Variants in CEBPZ observed in about 807,000 individuals in gnomAD.
The protein encoded by CEBPZ is CCAAT/enhancer-binding protein zeta.
Under a neutral mutation model 104.5 loss-of-function variants are expected in CEBPZ, and 78 were observed. That is an observed-to-expected ratio of 0.75 (90% confidence interval 0.62 to 0.90). The LOEUF (loss-of-function observed/expected upper bound fraction) is 0.90, where lower values mean the gene tolerates loss of function less well. Ranked by LOEUF, CEBPZ falls within the 40% of genes least tolerant of loss-of-function variation. CEBPZ has a pLI of 0.00. For missense variants in CEBPZ, 1,439 were observed against 1,233.5 expected, an observed-to-expected ratio of 1.17 and a Z score of -2.50; for synonymous variants, 470 against 427.0, an observed-to-expected ratio of 1.10 and a Z score of -1.24.
At position 37,227,873 on chromosome 2, in the gene CEBPZ, A is replaced by C. The variant is rs769243802; in HGVS notation, c.1320T>G (p.Tyr440Ter). Residue 440 changes from tyrosine (Y) to a stop codon, truncating the protein, a stop_gained, in exon 2 of 16, where the codon TAT (tyrosine) becomes TAG (stop). Transcript: ENST00000234170. LOFTEE classifies it high-confidence loss of function. ...RSNISSKAQYYAICFLNQMAL... is the reference protein window; with the variant it reads ...RSNISSKAQY ...CCATTTGATTTAAAAAGCAAATTGC[A>C]TAATATTGAGCTTTGGAGCTGATAT... 6.2e-7 allele frequency: 1 copy of C among 1,614,072 alleles called. No homozygotes were observed. The highest frequency in any genetic ancestry group is 8.5e-7 in the Non-Finnish European group (1 of 1,180,048).
intron 4 of CEBPZ, 84 bp downstream of exon 4, chr2:37,222,296 A>G: frequency 8.5e-7 from 1 of 1,181,622 alleles, no homozygotes; most frequent in South Asian, 1.7e-5. Flanking sequence ...TAAATAAATA[A>G]GTAAATAAAA....
intron 10 of CEBPZ, chr2:37,212,703 G>T (rs1417521532): frequency 2.8e-6 from 1 of 361,542 alleles, no homozygotes; most frequent in Admixed American, 4.5e-5. Context: ...TACTCTATTA[G>T]AACTACTTAA....
intron 1 of CEBPZ, 26 bp downstream of exon 1, chr2:37,231,386 C>T (rs777814899): frequency 1.2e-6 from 2 of 1,613,198 alleles, no homozygotes; most frequent in Non-Finnish European, 1.7e-6. Context: ...CGCCTGATCC[C>T]GTTCCCCGGA....
intron 12 of CEBPZ, chr2:37,211,423 G>A: frequency 4.2e-6 from 1 of 235,562 alleles, no homozygotes; most frequent in East Asian, 9.1e-5. Flanking sequence ...GTATGTGAAA[G>A]GACAGAAAGG....
intron 2 of CEBPZ, 52 bp downstream of exon 2, chr2:37,227,492 T>A (rs1283664141): frequency 6.5e-7 from 1 of 1,532,650 alleles, no homozygotes; most frequent in East Asian, 2.3e-5. Flanking sequence ...GCTTGTGCTG[T>A]ACTACATCAA....
intron 13 of CEBPZ, among the ~76,000 whole-genome samples, chr2:37,206,626 G>T (rs1042472682): frequency 6.6e-6 from 1 of 152,164 alleles, no homozygotes; most frequent in East Asian, 1.9e-4. Context: ...GAAGTGCTGG[G>T]ATTACAGGTG....
intron 5 of CEBPZ, among the ~76,000 whole-genome samples, chr2:37,217,271 C>A (rs916999659): frequency 6.6e-6 from 1 of 151,878 alleles, no homozygotes; most frequent in Non-Finnish European, 1.5e-5. Flanking sequence ...ATGGTGCGCG[C>A]GTGCCTGTAC....
chr2:37,211,874 A>C lies in CEBPZ; in HGVS notation c.2769T>G (p.Asp923Glu). ...EVDEDGGTFM[D>E]VLDDESESVP... The stretch of plus-strand genomic sequence containing the variant: ...CGCTCTCACTTTCATCATCTAACAC[A>C]TCCATGAATGTTCCTCCATCTTCAT... The change falls in exon 12 of 16, where the codon GAT (aspartate) becomes GAG (glutamate). Residue 923 changes from aspartate to glutamate, a missense_variant. Transcript: ENST00000234170. 1.2e-6 allele frequency: 2 copies of C among 1,608,654 alleles called. No homozygotes were observed. The highest frequency in any genetic ancestry group is 1.7e-6 in the Non-Finnish European group (2 of 1,178,324).
intron 10 of CEBPZ, 57 bp downstream of exon 10, chr2:37,213,807 T>C (rs893498091): frequency 1.3e-4 from 150 of 1,144,784 alleles, no homozygotes; most frequent in Non-Finnish European, 1.8e-4. Context: ...TAATGTTCCA[T>C]GGTCTATTAA....
chr2:37,201,840 C>A lies in CEBPZ; in HGVS notation c.3089G>T (p.Ser1030Ile), dbSNP rs1390572238. ...AAAATGTTTCTTTTTCTTGATGATA[C>A]TTTTTGCATCTCTGTTGTGTAGCCA... is the stretch of plus-strand genomic sequence containing the variant. ...DDWLHNRDAK[S>I]IIKKKKHFKK... is the part of the protein sequence containing the mutation. Residue 1030 changes from serine (S) to isoleucine (I), a missense_variant, in exon 16 of 16, where the codon AGT becomes ATT. Transcript: ENST00000234170. 6.2e-7 allele frequency: 1 copy of A among 1,612,044 alleles called. No individual in the cohort carries two copies. Among genetic ancestry groups the A allele is most frequent in the East Asian group, 2.2e-5 (1 of 44,860 alleles).
At chr2:37,224,340 C>G (rs1220986478) in intron 2 of CEBPZ, among the ~76,000 whole-genome samples, 1 of 152,144 alleles carries the variant, frequency 6.6e-6, no homozygotes, top group Admixed American at 6.5e-5. Flanking sequence ...ATTAGGACAC[C>G]CAGAATTAAC....
chr2:37,204,998 T>C (rs1018499410), intron 13 of CEBPZ, among the ~76,000 whole-genome samples: 8 of 152,214 alleles, frequency 5.3e-5, no homozygotes, highest in African/African-American at 1.9e-4. Flanking sequence ...GGGATGCTTT[T>C]GAGAAAAACT....
chr2:37,205,568 G>T (rs1296799108), intron 13 of CEBPZ, among the ~76,000 whole-genome samples: 1 of 152,190 alleles, frequency 6.6e-6, no homozygotes, highest in Non-Finnish European at 1.5e-5. Context: ...CCTGCACCCA[G>T]GTGAAATAAG....
intron 10 of CEBPZ, among the ~76,000 whole-genome samples, chr2:37,213,123 A>G (rs1390736675): frequency 6.6e-6 from 1 of 152,124 alleles, no homozygotes; most frequent in Admixed American, 6.6e-5. Context: ...TTTCCAATTT[A>G]CCATGTTTTT....
intron 13 of CEBPZ, 29 bp from the exon 14 acceptor site, chr2:37,203,037 C>A: frequency 1.4e-6 from 2 of 1,398,120 alleles, no homozygotes; most frequent in Non-Finnish European, 1.9e-6. Flanking sequence ...CTACATTATT[C>A]AATTATAAAT....
At chr2:37,224,550 T>C (rs1449253051) in intron 2 of CEBPZ, among the ~76,000 whole-genome samples, 1 of 12,534 alleles carries the variant, frequency 8.0e-5, no homozygotes, top group Non-Finnish European at 1.1e-4. Context: ...CAATTTTCTC[T>C]CTTTACATTT....
At chr2:37,229,688 G>C (rs1338059729) in intron 1 of CEBPZ, among the ~76,000 whole-genome samples, 1 of 152,064 alleles carries the variant, frequency 6.6e-6, no homozygotes, top group African/African-American at 2.4e-5. Context: ...ACATCTGTTG[G>C]CCCAGCAGCT....
intron 6 of CEBPZ, 48 bp from the exon 7 acceptor site, chr2:37,216,466 T>C: frequency 7.7e-7 from 1 of 1,302,398 alleles, no homozygotes; most frequent in Non-Finnish European, 1.1e-6. Context: ...ATTATGTCTA[T>C]GAATCCAAGT....
intron 9 of CEBPZ, among the ~76,000 whole-genome samples, chr2:37,214,660 TAAC>T (rs1677826368): frequency 6.6e-6 from 1 of 152,314 alleles, no homozygotes; most frequent in East Asian, 1.9e-4. Flanking sequence ...TAAATTTTCT[TAAC>T]AAACACAGAC....
Sources: gnomAD v4.1 joint callset for allele counts (sites outside exome capture counted in the v4.1 genomes callset) on GRCh38, gnomAD v4.1.1 for gene constraint, MANE v1.5 for transcripts, NCBI Gene and HGNC (gene_info 2026-07-23, HGNC 2026-07-21) for gene names.